NHSL1: variants seen among roughly 807,000 people sequenced by gnomAD.
NHSL1 encodes the protein NHS-like protein 1.
A neutral mutation model predicts 95.0 loss-of-function variants in NHSL1; 48 were observed. The observed-to-expected ratio is 0.51, with a 90% CI of 0.40 to 0.64. The LOEUF (loss-of-function observed/expected upper bound fraction) is 0.64, where lower values mean the gene tolerates loss of function less well. Ranked by LOEUF, NHSL1 falls within the 30% of genes least tolerant of loss-of-function variation. The probability of loss-of-function intolerance (pLI) is 0.00; values close to 1 mark genes in which losing one functional copy is unlikely to be tolerated. For missense variants in NHSL1, 1,971 were observed against 2,077.7 expected (o/e 0.95, Z 1.00); for synonymous variants, 783 against 833.9 (o/e 0.94, Z 1.05).
intron 5 of NHSL1, among the ~76,000 whole-genome samples, chr6:138,440,437 A>G (rs1021381400): frequency 2.6e-5 from 4 of 152,186 alleles, no homozygotes; most frequent in Non-Finnish European, 5.9e-5. Context: ...CATGTGGGGC[A>G]CGAACCAAAG....
At chr6:138,503,039 C>G (rs1007185047), upstream of NHSL1, among the ~76,000 whole-genome samples, 2 of 152,166 alleles carry the variant, frequency 1.3e-5, no homozygotes, top group Admixed American at 1.3e-4. Context: ...CTCTATACCC[C>G]CTGCTTCCAA....
At chr6:138,603,892 T>C (rs917404368) in intron 1 of NHSL1, among the ~76,000 whole-genome samples, 1 of 152,212 alleles carries the variant, frequency 6.6e-6, no homozygotes, top group African/African-American at 2.4e-5. Context: ...AAACATATCA[T>C]GAATTTTAAG....
In NHSL1 at chr6:138,437,347, T is replaced by C. The variant is rs1283460412; in HGVS notation, c.665-3667A>G. ...ACACACACATATATATATATACACATATATATATACACATATATATATATA... is the reference window on the plus strand; with the variant it reads ...ACACACACATATATATATATACACACATATATATACACATATATATATATA... On this transcript the variant is annotated intron_variant, in intron 5 of 7. Coordinates refer to ENST00000343505, the MANE Select transcript of NHSL1 (RefSeq NM_001144060.2). Among the ~76,000 whole-genome samples the C allele has an allele frequency of 2.3e-4, 19 of 82,184 alleles. 1 individual carries two copies. Among genetic ancestry groups the C allele is most frequent in the South Asian group, 1.2e-3 (3 of 2,572 alleles). The allele number at this position is 82,184 out of a possible 152,430, so 53.9% of individuals were successfully genotyped here.
intron 1 of NHSL1, among the ~76,000 whole-genome samples, chr6:138,639,846 A>G (rs534357779): frequency 6.7e-6 from 1 of 150,202 alleles, no homozygotes; most frequent in African/African-American, 2.4e-5. Context: ...ATGTATATAA[A>G]TAACCTTCTC....
At chr6:138,531,729 G>A (rs1003084274) in intron 1 of NHSL1, among the ~76,000 whole-genome samples, 23 of 152,022 alleles carry the variant, frequency 1.5e-4, no homozygotes, top group African/African-American at 5.3e-4. Context: ...GCTTAGGCGG[G>A]TCTTCAATTC....
At chr6:138,552,219 G>A (rs574228996) in intron 1 of NHSL1, among the ~76,000 whole-genome samples, 35 of 152,296 alleles carry the variant, frequency 2.3e-4, no homozygotes, top group African/African-American at 8.4e-4. Flanking sequence ...AGGAGATCAA[G>A]ACAATCCTGG....
chr6:138,559,230 A>G (rs1783320293), intron 1 of NHSL1, among the ~76,000 whole-genome samples: 1 of 152,258 alleles, frequency 6.6e-6, no homozygotes, highest in African/African-American at 2.4e-5. Context: ...ATAAAGACAG[A>G]GAAATCTACA....
chr6:138,634,858 A>G (rs563609451), intron 1 of NHSL1, among the ~76,000 whole-genome samples: 2 of 152,290 alleles, frequency 1.3e-5, no homozygotes, highest in Admixed American at 6.5e-5. Context: ...TCTGACCACA[A>G]TAAAAACTAG....
At chr6:138,450,670 A>C (rs1349436285) in intron 3 of NHSL1, among the ~76,000 whole-genome samples, 1 of 152,236 alleles carries the variant, frequency 6.6e-6, no homozygotes, top group Non-Finnish European at 1.5e-5. Flanking sequence ...ACTGACAAAG[A>C]GAGTCCATTT....
At chr6:138,672,523 CT>C (rs1411870093) in intron 1 of NHSL1, among the ~76,000 whole-genome samples, 2 of 152,080 alleles carry the variant, frequency 1.3e-5, no homozygotes, top group African/African-American at 2.4e-5. Flanking sequence ...CAGTCTAGGT[CT>C]GTGAAGCCAT....
chr6:138,644,064 C>T (rs989890426), intron 1 of NHSL1, among the ~76,000 whole-genome samples: 4 of 150,844 alleles, frequency 2.7e-5, no homozygotes, highest in African/African-American at 7.3e-5. Context: ...AAAAGTGTTT[C>T]GGTTATTTGA....
At chr6:138,610,434 A>G (rs555765618) in intron 1 of NHSL1, among the ~76,000 whole-genome samples, 1 of 151,906 alleles carries the variant, frequency 6.6e-6, no homozygotes, top group Non-Finnish European at 1.5e-5. Context: ...AGATATACCT[A>G]ATGTAAATGA....
upstream of NHSL1, among the ~76,000 whole-genome samples, chr6:138,547,007 G>A (rs1027878865): frequency 6.6e-6 from 1 of 152,190 alleles, no homozygotes; most frequent in South Asian, 2.1e-4. Context: ...GGCTCAGGAA[G>A]TGGCCATTGT....
chr6:138,692,906 G>A (rs1232353822), upstream of NHSL1, among the ~76,000 whole-genome samples: 1 of 150,852 alleles, frequency 6.6e-6, no homozygotes, highest in Non-Finnish European at 1.5e-5. The surrounding 1 kb of genome is among the most constrained non-coding windows in gnomAD (Gnocchi z 4.0). Context: ...GCAGGGGAGA[G>A]GCCGGGCGGG....
chr6:138,427,111 G>T (rs559515364), intron 7 of NHSL1, among the ~76,000 whole-genome samples: 6 of 152,296 alleles, frequency 3.9e-5, no homozygotes, highest in Non-Finnish European at 7.4e-5. Flanking sequence ...GTATTGGCTG[G>T]TGACTTAATT....
At chr6:138,464,373 C>T (rs1778208625) in intron 3 of NHSL1, 1 of 462,416 alleles carries the variant, frequency 2.2e-6, no homozygotes, top group Non-Finnish European at 4.0e-6. Context: ...GCCATCGCTG[C>T]CTTCGCCAGG....
At chr6:138,537,124 C>A (rs916844932) in intron 1 of NHSL1, among the ~76,000 whole-genome samples, 1 of 152,136 alleles carries the variant, frequency 6.6e-6, no homozygotes, top group African/African-American at 2.4e-5. Context: ...TGAAAGGCAC[C>A]ATCTTGAGCA....
At position 138,423,412 on chromosome 6, in the gene NHSL1, C is replaced by T. The variant is rs368704597; in HGVS notation, c.*669G>A. On this transcript the variant is annotated 3_prime_UTR_variant, in exon 8 of 8. Coordinates refer to ENST00000343505, the MANE Select transcript of NHSL1 (RefSeq NM_001144060.2). Reference sequence around the variant, plus strand: ...CCAGGTTACAGCATTGCCACTTCTACGTTTGTCATTTTTACAAAAAAGAAG... The same window carrying T: ...CCAGGTTACAGCATTGCCACTTCTATGTTTGTCATTTTTACAAAAAAGAAG... 4 of 152,210 alleles carry T rather than the reference C, an allele frequency of 2.6e-5. No homozygotes were observed. Among genetic ancestry groups the T allele is most frequent in the African/African-American group, 7.2e-5 (3 of 41,448 alleles). The allele number at this position is 152,210 out of a possible 1,614,324, so 9.4% of individuals were successfully genotyped here.
intron 5 of NHSL1, chr6:138,435,220 G>A (rs1775996729): frequency 6.5e-6 from 1 of 154,776 alleles, no homozygotes; most frequent in Non-Finnish European, 1.5e-5. Context: ...GTGTATACGA[G>A]TTCAATTCCA....
Sources: gnomAD v4.1 joint callset for allele counts (sites outside exome capture counted in the v4.1 genomes callset) on GRCh38, gnomAD v4.1.1 for gene constraint, Gnocchi (gnomAD v3.1) non-coding constraint, MANE v1.5 for transcripts, NCBI Gene and HGNC (gene_info 2026-07-23, HGNC 2026-07-21) for gene names.